Variants in PGPEP1L observed in about 807,000 individuals in gnomAD.
PGPEP1L encodes the protein pyroglutamyl-peptidase 1-like protein.
In PGPEP1L, 7 loss-of-function variants were observed where a neutral mutation model predicts 6.0. The ratio of observed to expected loss-of-function variants is 1.17; its 90% confidence interval spans 0.66 to 2.19. The LOEUF is 2.19. PGPEP1L is among the 30% of genes most tolerant of loss of function. The pLI, the probability that PGPEP1L is intolerant of heterozygous loss-of-function variation, is 0.00. For missense variants in PGPEP1L, 209 were observed against 192.5 expected (o/e 1.09, Z -0.51); for synonymous variants, 103 against 83.9 (o/e 1.23, Z -1.24).
intron 1 of PGPEP1L, among the ~76,000 whole-genome samples, chr15:99,006,876 G>A (rs1348196761): frequency 6.6e-6 from 1 of 152,112 alleles, no homozygotes; most frequent in Non-Finnish European, 1.5e-5. Context: ...GAAGACCCAT[G>A]ATTCTCTGTC....
chr15:98,984,009 CTTTTTTTTT>C (rs71456904), intron 2 of PGPEP1L, among the ~76,000 whole-genome samples: 1 of 115,730 alleles, frequency 8.6e-6, no homozygotes, highest in African/African-American at 3.5e-5. Context: ...AGTAAGTAGT[CTTTTTTTTT>C]TTTTTTTTTT....
chr15:98,969,388 C>T (rs772982834), intron 4 of PGPEP1L, 37 bp downstream of exon 4: 15 of 1,611,384 alleles, frequency 9.3e-6, no homozygotes, highest in Non-Finnish European at 1.3e-5. Flanking sequence ...TTGCTTCTCT[C>T]CTACCTGCTC....
chr15:98,996,106 A>C (rs1323905673), intron 2 of PGPEP1L, among the ~76,000 whole-genome samples: 1 of 152,130 alleles, frequency 6.6e-6, no homozygotes, highest in African/African-American at 2.4e-5. Context: ...ATCTTTAAGT[A>C]TTTCATATGT....
intron 2 of PGPEP1L, among the ~76,000 whole-genome samples, chr15:98,982,327 A>G: frequency 6.6e-6 from 1 of 151,928 alleles, no homozygotes; most frequent in Admixed American, 6.5e-5. Flanking sequence ...CCATGGACTC[A>G]CACAGTCCCC....
At chr15:98,969,006 C>T (rs56247483) in intron 4 of PGPEP1L, among the ~76,000 whole-genome samples, 25,938 of 152,178 alleles carry the variant, frequency 0.17, 2,733 homozygotes, top group East Asian at 0.4. Context: ...CATTCATTCA[C>T]TGGGGAAAGG....
intron 2 of PGPEP1L, among the ~76,000 whole-genome samples, chr15:98,986,189 A>T (rs1422204081): frequency 1.3e-5 from 2 of 152,176 alleles, no homozygotes; most frequent in African/African-American, 4.8e-5. Flanking sequence ...AACCCTTAGA[A>T]TTTTGTAAGT....
At chr15:98,984,990 T>A (rs1176782475) in intron 2 of PGPEP1L, among the ~76,000 whole-genome samples, 1 of 151,914 alleles carries the variant, frequency 6.6e-6, no homozygotes, top group African/African-American at 2.4e-5. Context: ...TCCTTGCGGG[T>A]CCATCTGCTG....
chr15:98,985,448 G>A (rs1288405994), intron 2 of PGPEP1L, among the ~76,000 whole-genome samples: 2 of 152,212 alleles, frequency 1.3e-5, no homozygotes, highest in Admixed American at 6.5e-5. Context: ...TGAGGCAAGA[G>A]AATTACTTGA....
rs371134519 is a variant in PGPEP1L, at chr15:99,001,858, C to CA, written c.-142+3570dup. ...TCAGCCTCCTAAGTAGCTGGGGTTACAGGTGCCCATCACCATGCCCAGCTA... is the reference window on the plus strand; with the variant it reads ...TCAGCCTCCTAAGTAGCTGGGGTTACAAGGTGCCCATCACCATGCCCAGCTA... On this transcript the variant is annotated intron_variant, in intron 2 of 4. Coordinates refer to ENST00000535714, the MANE Select transcript of PGPEP1L (RefSeq NM_001167902.2). Among the ~76,000 whole-genome samples, 686 of 152,268 alleles carry CA rather than the reference C, an allele frequency of 4.5e-3. 5 individuals carry two copies. Among genetic ancestry groups the CA allele is most frequent in the African/African-American group, 0.016 (654 of 41,536 alleles).
At position 98,969,551 on chromosome 15, in the gene PGPEP1L, C is replaced by T; in HGVS notation, c.83G>A (p.Trp28Ter). The T allele has an allele frequency of 6.2e-7, 1 of 1,614,032 alleles. No homozygotes were observed. Among genetic ancestry groups the T allele is most frequent in the Non-Finnish European group, 8.5e-7 (1 of 1,179,908 alleles). ...GYRDADIRSF[W>*]PEGGVCLPGS... The stretch of plus-strand genomic sequence containing the variant: ...AGGTAGGCACACGCCGCCCTCGGGC[C>T]AGAAGCTGCGGATGTCGGCGTCCCG... The change falls in exon 4 of 5, where the codon TGG (tryptophan) becomes TAG (stop). Residue 28 changes from tryptophan (W) to a stop codon, truncating the protein, a stop_gained. Coordinates refer to ENST00000535714, the MANE Select transcript of PGPEP1L (RefSeq NM_001167902.2). LOFTEE classifies it high-confidence loss of function.
intron 2 of PGPEP1L, among the ~76,000 whole-genome samples, chr15:98,979,496 G>A (rs1004232271): frequency 6.6e-6 from 1 of 152,128 alleles, no homozygotes; most frequent in Non-Finnish European, 1.5e-5. Flanking sequence ...GCAGAAATGT[G>A]AAACCAGCCC....
chr15:98,993,337 CAT>C (rs1342114506), intron 2 of PGPEP1L, among the ~76,000 whole-genome samples: 13 of 152,162 alleles, frequency 8.5e-5, no homozygotes, highest in South Asian at 4.1e-4. Flanking sequence ...GGCCAAGAAA[CAT>C]ATAAAAAAGC....
At chr15:98,998,630 A>G (rs2017919426) in intron 2 of PGPEP1L, among the ~76,000 whole-genome samples, 1 of 152,184 alleles carries the variant, frequency 6.6e-6, no homozygotes, top group African/African-American at 2.4e-5. Flanking sequence ...CCTTCAACCT[A>G]AGCCTCACCC....
In PGPEP1L at chr15:98,987,194, AAG is replaced by A. The variant is rs1555471583; in HGVS notation, c.-141-16038_-141-16037del. 2.0e-4 allele frequency among the ~76,000 whole-genome samples: 29 copies of A among 146,136 alleles called. 1 individual carries two copies. The highest frequency in any genetic ancestry group is 3.5e-3 in the Middle Eastern group (1 of 288). On this transcript the variant is annotated intron_variant, in intron 2 of 4. Transcript: ENST00000535714. ...AAAAAAAAAAAAAAAAAAAAAAAAA[AAG>A]AGAGCCAATTTAATTTTTGATATTC... is the stretch of plus-strand genomic sequence containing the variant.
intron 2 of PGPEP1L, among the ~76,000 whole-genome samples, chr15:98,995,341 A>G (rs1458152971): frequency 6.6e-6 from 1 of 152,060 alleles, no homozygotes; most frequent in Non-Finnish European, 1.5e-5. Context: ...GTATATCTAT[A>G]TGTATATCTA....
At chr15:98,976,804 T>C (rs2017576449) in intron 2 of PGPEP1L, among the ~76,000 whole-genome samples, 1 of 152,062 alleles carries the variant, frequency 6.6e-6, no homozygotes. Context: ...GACATGAAAA[T>C]TTTAGTGGAG....
chr15:98,981,180 C>T (rs760937493), intron 2 of PGPEP1L, among the ~76,000 whole-genome samples: 4 of 151,972 alleles, frequency 2.6e-5, no homozygotes, highest in Non-Finnish European at 5.9e-5. Flanking sequence ...CTCTTCAAAA[C>T]CATCAACGTC....
chr15:99,000,125 G>A (rs368826384), intron 2 of PGPEP1L, among the ~76,000 whole-genome samples: 3 of 152,362 alleles, frequency 2.0e-5, no homozygotes, highest in Admixed American at 6.5e-5. Context: ...CGTGGGCTCC[G>A]CGGGCCCCGC....
chr15:98,994,226 A>G (rs1424954371), intron 2 of PGPEP1L, among the ~76,000 whole-genome samples: 2 of 152,108 alleles, frequency 1.3e-5, no homozygotes, highest in African/African-American at 2.4e-5. Flanking sequence ...AGATCATGCC[A>G]CTGCACTCCA....
Sources: gnomAD v4.1 joint callset for allele counts (sites outside exome capture counted in the v4.1 genomes callset) on GRCh38, gnomAD v4.1.1 for gene constraint, MANE v1.5 for transcripts, NCBI Gene and HGNC (gene_info 2026-07-23, HGNC 2026-07-21) for gene names.